Variants in NFX1 observed in about 807,000 individuals in gnomAD.
The protein encoded by NFX1 is nuclear transcription factor, X-box binding 1.
Under a neutral mutation model 137.2 loss-of-function variants are expected in NFX1, and 69 were observed. The ratio of observed to expected loss-of-function variants is 0.50; its 90% CI spans 0.41 to 0.61. The LOEUF is 0.61. Among genes scored for constraint, NFX1 ranks in the 20% least tolerant of loss-of-function variants. The probability of loss-of-function intolerance (pLI) is 0.00; values close to 1 mark genes in which losing one functional copy is unlikely to be tolerated. For synonymous variants in NFX1, 495 were observed against 474.1 expected (o/e 1.04, Z -0.57); for missense variants, 1,167 against 1,391.0 (o/e 0.84, Z 2.56).
At chr9:33,328,552 A>G (rs1252116982) in intron 9 of NFX1, 29 bp from the exon 10 acceptor site, 2 of 1,564,602 alleles carry the variant, frequency 1.3e-6, no homozygotes, top group East Asian at 2.3e-5. Flanking sequence ...TGCAGTTTTC[A>G]TTTCCAGCTC....
chr9:33,366,656 T>C lies in NFX1; in HGVS notation c.3067T>C (p.Phe1023Leu), dbSNP rs779393131. 4.4e-5 allele frequency: 71 copies of C among 1,614,158 alleles called. 4 individuals carry two copies. The South Asian group carries it at 7.8e-4, about 18-fold the overall frequency. The change falls in exon 22 of 24, where the codon TTC becomes CTC. Residue 1023 changes from phenylalanine to leucine, a missense_variant. By Grantham distance (22) the Phe-to-Leu change is conservative (BLOSUM62 0). Around this residue, in one of 3 missense-constraint regions of NFX1, gnomAD observed 312 missense variants for 312.8 expected, o/e 1.00. Coordinates refer to ENST00000379540, the MANE Select transcript of NFX1 (RefSeq NM_002504.6). ...KGKNSKKSHS[F>L]PPMNRDHRRI... is the part of the protein sequence containing the mutation. ...AAAGAATAGTAAGAAAAGCCACAGC[T>C]TCCCTCCCATGAACAGAGACCACCG...
At chr9:33,366,516 G>A in intron 21 of NFX1, 113 bp from the exon 22 acceptor site, 2 of 1,272,274 alleles carry the variant, frequency 1.6e-6, no homozygotes, top group Non-Finnish European at 2.2e-6. Context: ...TATGCTGTGG[G>A]CCTCTAAAAT....
rs1364608909 is a variant in NFX1, at chr9:33,351,586, G to C, written c.2451G>C (p.Leu817=). 1 of 1,614,226 alleles carries C rather than the reference G, an allele frequency of 6.2e-7. No individual in the cohort carries two copies. The highest frequency in any genetic ancestry group is 1.1e-5 in the South Asian group (1 of 91,086). ...HEFRSNIPCH[L]VDISCGLPCS... is the part of the protein sequence containing the mutation. ...TTCGGAGCAACATCCCCTGTCACCT[G>C]GTTGATATCTCTTGCGGATTACCCT... Residue 817 remains leucine (L), a synonymous_variant, in exon 16 of 24, where the codon CTG becomes CTC. Transcript: ENST00000379540.
intron 9 of NFX1, among the ~76,000 whole-genome samples, chr9:33,324,353 T>G (rs1822500205): frequency 6.6e-6 from 1 of 152,126 alleles, no homozygotes; most frequent in African/African-American, 2.4e-5. Context: ...TACTCCAGCC[T>G]GGACGAGGGA....
At chr9:33,324,469 T>C (rs1465842930) in intron 9 of NFX1, among the ~76,000 whole-genome samples, 3 of 152,050 alleles carry the variant, frequency 2.0e-5, no homozygotes, top group Admixed American at 1.3e-4. Flanking sequence ...GAAGATTGCT[T>C]GAGTCCAAGA....
intron 7 of NFX1, among the ~76,000 whole-genome samples, chr9:33,316,760 A>AT (rs1342619172): frequency 6.6e-6 from 1 of 152,162 alleles, no homozygotes; most frequent in African/African-American, 2.4e-5. Flanking sequence ...CCTTAATATT[A>AT]TTTAACCAGC....
chr9:33,335,227 C>CTTTTTTTT (rs57459026), intron 11 of NFX1, among the ~76,000 whole-genome samples: 13 of 130,516 alleles, frequency 1.0e-4, no homozygotes, highest in African/African-American at 3.2e-4. Context: ...CTTTCTTTTT[C>CTTTTTTTT]TTTTTTTTTT....
chr9:33,345,918 G>A (rs1025712999), intron 14 of NFX1, among the ~76,000 whole-genome samples: 1 of 152,060 alleles, frequency 6.6e-6, no homozygotes, highest in African/African-American at 2.4e-5. Context: ...GCACCATACC[G>A]GGCCCATCAT....
chr9:33,329,840 G>C (rs568158442), intron 10 of NFX1, among the ~76,000 whole-genome samples: 2 of 151,984 alleles, frequency 1.3e-5, no homozygotes, highest in African/African-American at 2.4e-5. Context: ...TGTATTTTTA[G>C]TAGAGACGGG....
chr9:33,325,842 C>A (rs1822565130), intron 9 of NFX1, among the ~76,000 whole-genome samples: 1 of 152,002 alleles, frequency 6.6e-6, no homozygotes, highest in Non-Finnish European at 1.5e-5. Context: ...AATTTCAAAT[C>A]CACATGAAAA....
chr9:33,302,718 GGAGTGCAGTGGCAC>G (rs1418226590), intron 3 of NFX1, among the ~76,000 whole-genome samples: 1 of 151,120 alleles, frequency 6.6e-6, no homozygotes, highest in Non-Finnish European at 1.5e-5. Context: ...TGCCCAGGCT[GGAGTGCAGTGGCAC>G]GATCTCGGCT....
intron 12 of NFX1, 43 bp downstream of exon 12, chr9:33,338,632 G>A (rs1188671573): frequency 5.3e-6 from 8 of 1,500,694 alleles, no homozygotes; most frequent in Non-Finnish European, 7.2e-6. Context: ...ATTCATCCAG[G>A]TGCTGGGCTT....
In NFX1 at chr9:33,348,665, A is replaced by G. The variant is rs78745052; in HGVS notation, c.2424+1548A>G. 4.7e-3 allele frequency: 3,902 copies of G among 824,974 alleles called. 155 individuals carry two copies. In the African/African-American group the frequency reaches 0.068, roughly 14 times the overall value. 51.1% of individuals were successfully genotyped at this position (824,974 alleles called of 1,614,324 possible). Reference sequence around the variant, plus strand: ...ACTTGCTGGAGACAGGGTTGCCACAAAGTTTCAATTTGTAAAAAATGTGAT... The same window carrying G: ...ACTTGCTGGAGACAGGGTTGCCACAGAGTTTCAATTTGTAAAAAATGTGAT... On this transcript the variant is annotated intron_variant, in intron 15 of 23. Transcript: ENST00000379540.
intron 22 of NFX1, among the ~76,000 whole-genome samples, chr9:33,367,048 CA>C (rs1340958398): frequency 6.6e-6 from 1 of 152,270 alleles, no homozygotes; most frequent in African/African-American, 2.4e-5. Flanking sequence ...TTTCTTCAGG[CA>C]AGGGGGCCTG....
intron 9 of NFX1, among the ~76,000 whole-genome samples, chr9:33,320,415 G>A (rs1822342815): frequency 6.6e-6 from 1 of 152,150 alleles, no homozygotes; most frequent in Admixed American, 6.5e-5. Flanking sequence ...GGCCTGCTGA[G>A]GTTTCTCAGA....
chr9:33,363,999 C>T lies in NFX1; in HGVS notation c.2874-11C>T. 1 of 1,551,334 alleles carries T rather than the reference C, an allele frequency of 6.4e-7. No individual in the cohort carries two copies. Among genetic ancestry groups the T allele is most frequent in the Non-Finnish European group, 8.7e-7 (1 of 1,147,054 alleles). On this transcript the variant is annotated splice_polypyrimidine_tract_variant and intron_variant, in intron 19 of 23. Transcript: ENST00000379540. ...ACTCCTTTTATTTGCATACCTCTCT[C>T]TCTCTTTCAGGAGATTAGCAGAGGC...
At chr9:33,347,616 G>A (rs375851097) in intron 15 of NFX1, 67 of 329,314 alleles carry the variant, frequency 2.0e-4, no homozygotes, top group African/African-American at 1.3e-3. Context: ...GTGGAAAACT[G>A]TGGAGATTCC....
In NFX1 at chr9:33,295,183, A is replaced by G; in HGVS notation, c.789A>G (p.Lys263=). Residue 263 remains lysine, a synonymous_variant, in exon 2 of 24, where the codon AAA becomes AAG. Transcript: ENST00000379540. Reference sequence around the variant, plus strand: ...CACGACCAGGCAGAAATCCACCAAAACAGGAGGGCCACCGACATACAAACG... The same window carrying G: ...CACGACCAGGCAGAAATCCACCAAAGCAGGAGGGCCACCGACATACAAACG... ...ARPRPGRNPP[K]QEGHRHTNAG... is the part of the protein sequence containing the mutation. 1.2e-6 allele frequency: 2 copies of G among 1,614,178 alleles called. No homozygotes were observed. The highest frequency in any genetic ancestry group is 1.7e-6 in the Non-Finnish European group (2 of 1,180,032).
chr9:33,363,995 C>T lies in NFX1; in HGVS notation c.2874-15C>T. 1.9e-6 allele frequency: 3 copies of T among 1,541,954 alleles called. No individual in the cohort carries two copies. Among genetic ancestry groups the T allele is most frequent in the South Asian group, 1.2e-5 (1 of 81,088 alleles). On this transcript the variant is annotated splice_polypyrimidine_tract_variant and intron_variant, in intron 19 of 23. Coordinates refer to ENST00000379540, the MANE Select transcript of NFX1 (RefSeq NM_002504.6). The stretch of plus-strand genomic sequence containing the variant: ...TCCCACTCCTTTTATTTGCATACCT[C>T]TCTCTCTCTTTCAGGAGATTAGCAG...
Sources: allele counts gnomAD v4.1 joint callset (sites outside exome capture counted in the v4.1 genomes callset), GRCh38; gene constraint gnomAD v4.1.1; regional missense constraint gnomAD v4.1.1; transcripts MANE v1.5; gene names NCBI Gene and HGNC (gene_info 2026-07-23, HGNC 2026-07-21).